Variants in PTDSS2 observed in about 807,000 individuals in gnomAD.
PTDSS2 encodes the protein PSS-2.
PTDSS2 carries 41 observed loss-of-function variants against 64.7 expected under a neutral mutation model. The observed-to-expected ratio is 0.63, with a 90% CI of 0.49 to 0.82. The LOEUF (loss-of-function observed/expected upper bound fraction) is 0.82, where lower values mean the gene tolerates loss of function less well. Ranked by LOEUF, PTDSS2 falls within the 40% of genes least tolerant of loss-of-function variation. The probability of loss-of-function intolerance (pLI) is 0.00; values close to 1 mark genes in which losing one functional copy is unlikely to be tolerated. For synonymous variants in PTDSS2, 297 were observed against 277.8 expected (o/e 1.07, Z -0.69); for missense variants, 485 against 650.0 (o/e 0.75, Z 2.76).
chr11:466,297 C>G (rs1847137721), intron 2 of PTDSS2, among the ~76,000 whole-genome samples: 1 of 151,978 alleles, frequency 6.6e-6, no homozygotes, highest in African/African-American at 2.4e-5. Flanking sequence ...CTGGGGAGGC[C>G]TCAGGAAACG....
intron 1 of PTDSS2, among the ~76,000 whole-genome samples, chr11:453,398 G>A (rs921251295): frequency 1.2e-4 from 18 of 152,168 alleles, no homozygotes; most frequent in South Asian, 2.1e-4. Flanking sequence ...AAGCAGCTTC[G>A]GATGACCACA....
intron 3 of PTDSS2, among the ~76,000 whole-genome samples, chr11:475,369 TTGTG>T (rs1365371840): frequency 1.3e-5 from 2 of 151,316 alleles, no homozygotes; most frequent in African/African-American, 4.9e-5. Flanking sequence ...ATTCACATAT[TTGTG>T]TGTATGGACA....
chr11:488,073 G>A, intron 6 of PTDSS2, 126 bp from the exon 7 acceptor site: 1 of 663,930 alleles, frequency 1.5e-6, no homozygotes, highest in East Asian at 2.7e-5. Flanking sequence ...ACGCACCCGT[G>A]GGCAGGGCCG....
chr11:464,367 T>C (rs1444656810), intron 2 of PTDSS2, among the ~76,000 whole-genome samples: 2 of 152,352 alleles, frequency 1.3e-5, no homozygotes, highest in East Asian at 1.9e-4. Flanking sequence ...TGATGAGTTT[T>C]AACAGACTCA....
intron 4 of PTDSS2, among the ~76,000 whole-genome samples, chr11:482,725 G>A (rs946382035): frequency 6.6e-6 from 1 of 152,052 alleles, no homozygotes; most frequent in African/African-American, 2.4e-5. Context: ...AGTGGAGAAA[G>A]TTCTGTGAGT....
At chr11:484,553 C>A (rs560102418) in intron 4 of PTDSS2, among the ~76,000 whole-genome samples, 1 of 140,436 alleles carries the variant, frequency 7.1e-6, no homozygotes. Flanking sequence ...AGTGCACGGG[C>A]GCGTGTGTGC....
intron 2 of PTDSS2, 148 bp from the exon 3 acceptor site, chr11:473,747 A>AGGCAAAT (rs1199817836): frequency 4.5e-6 from 3 of 672,566 alleles, no homozygotes; most frequent in African/African-American, 3.6e-5. Flanking sequence ...CCCGCGGCGG[A>AGGCAAAT]GTCGCCCAGC....
chr11:488,153 G>A lies in PTDSS2; in HGVS notation c.622-46G>A, dbSNP rs149169474. On this transcript the variant is annotated intron_variant, in intron 6 of 11. Coordinates refer to ENST00000308020, the MANE Select transcript of PTDSS2 (RefSeq NM_030783.3). ...GCTGCACGCACCCGTGGGCAGGGCC[G>A]GGTGTGGCCGGCGTCCCATACTCTG... The A allele has an allele frequency of 3.7e-4, 529 of 1,424,658 alleles. 4 individuals are homozygous for A. In the African/African-American group the frequency reaches 6.4e-3, roughly 17 times the overall value. 88.3% of individuals were successfully genotyped at this position (1,424,658 alleles called of 1,614,324 possible).
chr11:478,122 A>T (rs73399656), intron 3 of PTDSS2, among the ~76,000 whole-genome samples: 3,895 of 152,258 alleles, frequency 0.026, 167 homozygotes, highest in African/African-American at 0.089. Context: ...GAAGTCTGTT[A>T]ATGTAACTCA....
intron 3 of PTDSS2, among the ~76,000 whole-genome samples, chr11:475,082 G>A (rs887938357): frequency 2.7e-5 from 4 of 148,118 alleles, no homozygotes; most frequent in Non-Finnish European, 5.9e-5. Flanking sequence ...ACACATTCAC[G>A]TGTTTGTGTG....
chr11:458,368 G>A (rs540165133), intron 1 of PTDSS2, among the ~76,000 whole-genome samples: 4 of 151,390 alleles, frequency 2.6e-5, no homozygotes, highest in Admixed American at 2.0e-4. Flanking sequence ...ACCACACCCG[G>A]CTAATTTTTT....
At chr11:485,449 C>T (rs540640758) in intron 4 of PTDSS2, among the ~76,000 whole-genome samples, 2 of 137,416 alleles carry the variant, frequency 1.5e-5, no homozygotes, top group Middle Eastern at 4.6e-3. Context: ...TGTGCGCAGG[C>T]GAGTGTAAAC....
At chr11:483,034 C>T (rs1469914792) in intron 4 of PTDSS2, among the ~76,000 whole-genome samples, 1 of 93,904 alleles carries the variant, frequency 1.1e-5, no homozygotes. Flanking sequence ...GTGAGTTTTT[C>T]GTAGATCTCC....
chr11:474,999 TCACGAGTTTG>T (rs1195541092), intron 3 of PTDSS2, among the ~76,000 whole-genome samples: 3 of 95,672 alleles, frequency 3.1e-5, no homozygotes, highest in Non-Finnish European at 6.6e-5. Flanking sequence ...ACGGACATAT[TCACGAGTTTG>T]TGTGATACGG....
In PTDSS2 at chr11:462,698, C is replaced by T. The variant is rs903341171; in HGVS notation, c.284+2410C>T. 3.9e-5 allele frequency among the ~76,000 whole-genome samples: 6 copies of T among 152,214 alleles called. No individual in the cohort carries two copies. The highest frequency in any genetic ancestry group is 3.3e-4 in the Admixed American group (5 of 15,288). ...GCACTGCTGCACACCAGAAGCCCAG[C>T]TCCTGGGCAGCCACCCTACCTGCCC... On this transcript the variant is annotated intron_variant, in intron 2 of 11. Transcript: ENST00000308020. The surrounding 1 kb of genome is among the most constrained non-coding windows in gnomAD (Gnocchi z 4.5).
upstream of PTDSS2, among the ~76,000 whole-genome samples, chr11:449,789 A>C (rs560886756): frequency 9.2e-5 from 14 of 152,218 alleles, no homozygotes; most frequent in African/African-American, 3.4e-4. Flanking sequence ...TCTACTAAAA[A>C]TACAAAAATT....
chr11:482,827 A>T (rs1388824846), intron 4 of PTDSS2, among the ~76,000 whole-genome samples: 1 of 145,656 alleles, frequency 6.9e-6, no homozygotes, highest in Admixed American at 6.8e-5. Context: ...AGTTTTTCGT[A>T]GATCTCCCTA....
chr11:490,298 A>T, intron 11 of PTDSS2, 122 bp from the exon 12 acceptor site: 3 of 1,394,484 alleles, frequency 2.2e-6, no homozygotes, highest in Non-Finnish European at 3.0e-6. Flanking sequence ...TCCCAGGGCC[A>T]GGGTACCCGG....
intron 2 of PTDSS2, among the ~76,000 whole-genome samples, chr11:473,638 A>G (rs112327228): frequency 0.067 from 7,040 of 105,254 alleles, no homozygotes; most frequent in African/African-American, 0.12. Flanking sequence ...GCGAATGTCC[A>G]GCCCAGGGTG....
Sources: allele counts gnomAD v4.1 joint callset (sites outside exome capture counted in the v4.1 genomes callset), GRCh38; gene constraint gnomAD v4.1.1; non-coding constraint Gnocchi (gnomAD v3.1); transcripts MANE v1.5; gene names NCBI Gene and HGNC (gene_info 2026-07-23, HGNC 2026-07-21).